ACOT12: variants seen among roughly 807,000 people sequenced by gnomAD.
ACOT12 encodes the protein acyl-CoA thioesterase 12.
ACOT12 carries 51 observed loss-of-function variants against 67.7 expected under a neutral mutation model. The observed-to-expected ratio is 0.75, with a 90% CI of 0.60 to 0.95. The LOEUF (loss-of-function observed/expected upper bound fraction) is 0.95, where lower values mean the gene tolerates loss of function less well. Among genes scored for constraint, ACOT12 ranks in the 40% least tolerant of loss-of-function variants. The pLI is 0.00. For synonymous variants in ACOT12, 251 were observed against 244.6 expected (o/e 1.03, Z -0.24); for missense variants, 734 against 708.1 (o/e 1.04, Z -0.41).
downstream of ACOT12, among the ~76,000 whole-genome samples, chr5:81,329,085 C>T (rs190286262): frequency 2.7e-4 from 41 of 152,248 alleles, no homozygotes; most frequent in Admixed American, 5.9e-4. Flanking sequence ...ATCTTTATGT[C>T]TCAGAGTGAT....
intron 2 of ACOT12, among the ~76,000 whole-genome samples, chr5:81,385,054 A>G (rs1445134805): frequency 6.6e-6 from 1 of 152,220 alleles, no homozygotes; most frequent in Admixed American, 6.5e-5. Flanking sequence ...CTCTCTACTC[A>G]GATGAATTAG....
At chr5:81,388,698 T>C (rs1252091511) in intron 1 of ACOT12, among the ~76,000 whole-genome samples, 1 of 152,132 alleles carries the variant, frequency 6.6e-6, no homozygotes, top group African/African-American at 2.4e-5. Flanking sequence ...AGAGGTTAAT[T>C]AAATGGATAT....
At chr5:81,391,231 T>C (rs1369978101) in intron 1 of ACOT12, among the ~76,000 whole-genome samples, 1 of 152,250 alleles carries the variant, frequency 6.6e-6, no homozygotes, top group African/African-American at 2.4e-5. Context: ...CTCTTTCCTT[T>C]CTGGAACTTT....
At chr5:81,350,214 C>G (rs948242397) in intron 5 of ACOT12, among the ~76,000 whole-genome samples, 1 of 152,168 alleles carries the variant, frequency 6.6e-6, no homozygotes, top group Non-Finnish European at 1.5e-5. Context: ...TTAACTCTTT[C>G]AGATCTATCT....
At chr5:81,392,029 A>T (rs978767510) in intron 1 of ACOT12, among the ~76,000 whole-genome samples, 5 of 152,256 alleles carry the variant, frequency 3.3e-5, no homozygotes, top group Non-Finnish European at 7.3e-5. Context: ...GATTACTCAG[A>T]TAGCTTCAAG....
chr5:81,383,243 T>C (rs565375961), intron 2 of ACOT12, among the ~76,000 whole-genome samples: 44 of 152,166 alleles, frequency 2.9e-4, no homozygotes, highest in Middle Eastern at 6.8e-3. Context: ...CAGGGCATGG[T>C]GGCAGCTGCC....
At chr5:81,323,938 G>GTA in the ACOT12 span, among the ~76,000 whole-genome samples, 37,128 of 145,898 alleles carry the variant, frequency 0.25, 5,183 homozygotes, top group Middle Eastern at 0.37. Flanking sequence ...ATACATATAT[G>GTA]TGTATATATA....
At chr5:81,338,780 T>C (rs1001284165) in intron 11 of ACOT12, among the ~76,000 whole-genome samples, 17 of 152,170 alleles carry the variant, frequency 1.1e-4, no homozygotes, top group African/African-American at 4.1e-4. Context: ...AGATTCTTTT[T>C]GAATTTGAAT....
intron 1 of ACOT12, among the ~76,000 whole-genome samples, chr5:81,391,037 A>G (rs1248485675): frequency 2.0e-5 from 3 of 152,136 alleles, no homozygotes; most frequent in Non-Finnish European, 2.9e-5. Flanking sequence ...TTGTTTTTTA[A>G]AGCAAGCAGT....
At chr5:81,382,236 T>C (rs1274652456) in intron 2 of ACOT12, among the ~76,000 whole-genome samples, 1 of 152,204 alleles carries the variant, frequency 6.6e-6, no homozygotes, top group African/African-American at 2.4e-5. Flanking sequence ...CGAGAACGAA[T>C]GCCCATTTTG....
In ACOT12 at chr5:81,345,017, C is replaced by T. The variant is rs1164254650; in HGVS notation, c.798G>A (p.Glu266=). ...CGGCCCATTCCTGACAGTCAAAGGC[C>T]TCCACGCGAACTCCAACTTCAACAC... ...QTCVEVGVRV[E]AFDCQEWAEG... The change falls in exon 8 of 15, where the codon GAG becomes GAA. Residue 266 remains glutamate (E), a synonymous_variant. Transcript: ENST00000307624. 6.2e-7 allele frequency: 1 copy of T among 1,614,160 alleles called. No individual in the cohort carries two copies. The highest frequency in any genetic ancestry group is 8.5e-7 in the Non-Finnish European group (1 of 1,180,010).
chr5:81,332,362 A>C (rs1207533014), intron 13 of ACOT12, 115 bp downstream of exon 13: 1 of 1,186,230 alleles, frequency 8.4e-7, no homozygotes, highest in Admixed American at 2.4e-5. Context: ...TAATTCAAAT[A>C]AACATAATTC....
chr5:81,373,988 A>G (rs1057076870), intron 2 of ACOT12, among the ~76,000 whole-genome samples: 3 of 152,176 alleles, frequency 2.0e-5, no homozygotes, highest in Non-Finnish European at 4.4e-5. Flanking sequence ...GAGCTCTGAT[A>G]AGGGACTACA....
In ACOT12 at chr5:81,348,403, A is replaced by G. The variant is rs7735449; in HGVS notation, c.497-473T>C. Among the ~76,000 whole-genome samples the G allele has an allele frequency of 4.2e-3, 641 of 152,324 alleles. 4 individuals carry two copies. The highest frequency in any genetic ancestry group is 0.015 in the African/African-American group (612 of 41,570). On this transcript the variant is annotated intron_variant, in intron 5 of 14. Transcript: ENST00000307624. ...CATTGTTTGTCAATTACACCACAAT[A>G]AAGTTGTTAAAGATAAAGGAATCTG...
the ACOT12 span, among the ~76,000 whole-genome samples, chr5:81,320,140 A>G: frequency 6.6e-6 from 1 of 152,212 alleles, no homozygotes; most frequent in Non-Finnish European, 1.5e-5. Flanking sequence ...TTATTTTTCA[A>G]TCTCCTTAAA....
chr5:81,324,277 C>T, the ACOT12 span, among the ~76,000 whole-genome samples: 1 of 151,892 alleles, frequency 6.6e-6, no homozygotes. Flanking sequence ...GAGAAGATAG[C>T]GTTTTGGATT....
At chr5:81,386,578 C>A (rs1465783881) in intron 1 of ACOT12, among the ~76,000 whole-genome samples, 1 of 152,032 alleles carries the variant, frequency 6.6e-6, no homozygotes. Context: ...TTGACATGTG[C>A]TTCTGCCAGA....
At chr5:81,318,313 A>T in the ACOT12 span, among the ~76,000 whole-genome samples, 3 of 152,252 alleles carry the variant, frequency 2.0e-5, no homozygotes, top group East Asian at 5.8e-4. Flanking sequence ...TCTTCATTAA[A>T]TTGTTTTGGT....
chr5:81,327,625 A>G (rs10072332), downstream of ACOT12, among the ~76,000 whole-genome samples: 75,211 of 152,006 alleles, frequency 0.49, 19,102 homozygotes, highest in Admixed American at 0.63. Flanking sequence ...ATTTTTAGTA[A>G]AGACGGGGTT....
Sources: allele counts gnomAD v4.1 joint callset (sites outside exome capture counted in the v4.1 genomes callset), GRCh38; gene constraint gnomAD v4.1.1; transcripts MANE v1.5; gene names NCBI Gene and HGNC (gene_info 2026-07-23, HGNC 2026-07-21).